The following NLGN1 variants were observed in gnomAD, a reference collection of about 807,000 sequenced individuals.
NLGN1 encodes neuroligin 1, also known as neuroligin-1.
In NLGN1, 12 loss-of-function variants were observed where a neutral mutation model predicts 65.5. That is an observed-to-expected ratio of 0.18 (90% CI 0.12 to 0.30). NLGN1 has a LOEUF of 0.30. NLGN1 is among the 10% of genes least tolerant of loss of function. The pLI, the probability that NLGN1 is intolerant of heterozygous loss-of-function variation, is 1.00. For missense variants in NLGN1, 750 were observed against 1,007.1 expected, an observed-to-expected ratio of 0.74 and a Z score of 3.46; for synonymous variants, 350 against 359.5, an observed-to-expected ratio of 0.97 and a Z score of 0.30.
At chr3:174,242,054 A>G (rs1481862298) in intron 4 of NLGN1, among the ~76,000 whole-genome samples, 1 of 152,182 alleles carries the variant, frequency 6.6e-6, no homozygotes, top group East Asian at 1.9e-4. Flanking sequence ...GCAACCGAGC[A>G]TAACGGTTTT....
upstream of NLGN1, among the ~76,000 whole-genome samples, chr3:173,397,329 C>T (rs1314966284): frequency 2.0e-5 from 3 of 152,138 alleles, no homozygotes; most frequent in African/African-American, 7.2e-5. Context: ...TTAAATCCAC[C>T]TTTTACACCA....
intron 2 of NLGN1, among the ~76,000 whole-genome samples, chr3:173,450,557 G>A (rs1407853442): frequency 6.6e-6 from 1 of 152,092 alleles, no homozygotes; most frequent in Non-Finnish European, 1.5e-5. Context: ...TGCTCTTCTT[G>A]AGGAGTATCT....
intron 2 of NLGN1, among the ~76,000 whole-genome samples, chr3:173,565,132 T>C (rs980942586): frequency 6.6e-6 from 1 of 152,164 alleles, no homozygotes; most frequent in Admixed American, 6.5e-5. Flanking sequence ...ATGTGCAGTA[T>C]AAGGTTGGGA....
intron 4 of NLGN1, among the ~76,000 whole-genome samples, chr3:174,263,726 A>C (rs1209855823): frequency 6.6e-6 from 1 of 151,766 alleles, no homozygotes; most frequent in Admixed American, 6.6e-5. Flanking sequence ...TCCTGTCATT[A>C]TGATGTTAGC....
intron 4 of NLGN1, among the ~76,000 whole-genome samples, chr3:174,201,657 G>A (rs1734537835): frequency 7.4e-6 from 1 of 135,486 alleles, no homozygotes; most frequent in Non-Finnish European, 1.6e-5. Context: ...CAAGTTCATT[G>A]AGCTTAAATA....
intron 4 of NLGN1, among the ~76,000 whole-genome samples, chr3:173,928,607 T>G (rs993007973): frequency 1.3e-5 from 2 of 152,054 alleles, no homozygotes; most frequent in Non-Finnish European, 2.9e-5. Flanking sequence ...TGGTATGAGG[T>G]CTCTCTGTCT....
exon 7 of NLGN1, chr3:174,281,922 A>G (rs913087047): frequency 1.3e-5 from 2 of 152,492 alleles, no homozygotes; most frequent in South Asian, 2.1e-4. Flanking sequence ...CACGATGTGC[A>G]TGATAATTTA....
chr3:174,075,954 A>G (rs1740818807), intron 4 of NLGN1, among the ~76,000 whole-genome samples: 1 of 152,166 alleles, frequency 6.6e-6, no homozygotes, highest in African/African-American at 2.4e-5. Flanking sequence ...TGTGGGTGTA[A>G]CAACATCTGA....
intron 4 of NLGN1, among the ~76,000 whole-genome samples, chr3:174,090,536 C>T (rs541059039): frequency 2.0e-5 from 3 of 152,046 alleles, no homozygotes; most frequent in East Asian, 1.9e-4. Context: ...AAGTCCCACC[C>T]GCAAAGATAT....
chr3:173,751,503 A>C (rs1030316219), intron 3 of NLGN1, among the ~76,000 whole-genome samples: 5 of 152,064 alleles, frequency 3.3e-5, no homozygotes, highest in African/African-American at 1.2e-4. Context: ...CCTAAATATA[A>C]GTGTGGTGGA....
At chr3:174,149,062 A>T (rs139936510) in intron 4 of NLGN1, among the ~76,000 whole-genome samples, 1 of 152,330 alleles carries the variant, frequency 6.6e-6, no homozygotes, top group East Asian at 1.9e-4. Context: ...TTTGCAAAAC[A>T]TGGTGAACAA....
chr3:173,761,662 C>T (rs1274223567), intron 3 of NLGN1, among the ~76,000 whole-genome samples: 1 of 152,040 alleles, frequency 6.6e-6, no homozygotes, highest in African/African-American at 2.4e-5. Flanking sequence ...TCTTTAATAA[C>T]CTGCATTTCC....
intron 3 of NLGN1, among the ~76,000 whole-genome samples, chr3:173,721,146 A>G (rs543830737): frequency 3.9e-4 from 60 of 152,382 alleles, no homozygotes; most frequent in African/African-American, 1.4e-3. Context: ...GCAAGCCTCA[A>G]CAATGAAGCC....
At position 174,133,983 on chromosome 3, in the gene NLGN1, A is replaced by G. The variant is rs964756849; in HGVS notation, c.647-141332A>G. 2.0e-5 allele frequency among the ~76,000 whole-genome samples: 3 copies of G among 151,834 alleles called. No homozygotes were observed. In the East Asian group the frequency reaches 5.8e-4, roughly 29 times the overall value. Reference sequence around the variant, plus strand: ...AAGCAGACCTGAATAAGTTATTCTAATACCTGGACAAAGCTTTAAAGCCAC... The same window carrying G: ...AAGCAGACCTGAATAAGTTATTCTAGTACCTGGACAAAGCTTTAAAGCCAC... On this transcript the variant is annotated intron_variant, in intron 4 of 6. Coordinates refer to ENST00000457714, the Ensembl canonical transcript of NLGN1.
chr3:173,535,039 G>A (rs367552785), intron 2 of NLGN1, among the ~76,000 whole-genome samples: 23 of 152,230 alleles, frequency 1.5e-4, no homozygotes, highest in African/African-American at 5.3e-4. Flanking sequence ...CAATCACAGG[G>A]CATGCTGAGA....
intron 1 of NLGN1, among the ~76,000 whole-genome samples, chr3:173,415,927 A>AGC (rs1445007314): frequency 6.8e-6 from 1 of 147,022 alleles, no homozygotes; most frequent in African/African-American, 2.6e-5. Context: ...AGGGAGAGAG[A>AGC]GAGAGAGAGA....
chr3:173,713,848 A>C (rs1769394446), intron 3 of NLGN1, among the ~76,000 whole-genome samples: 1 of 152,082 alleles, frequency 6.6e-6, no homozygotes, highest in South Asian at 2.1e-4. Context: ...CAAATCACAT[A>C]TGTACCCTAT....
At chr3:173,406,687 C>T (rs1332864498) in intron 1 of NLGN1, among the ~76,000 whole-genome samples, 1 of 151,640 alleles carries the variant, frequency 6.6e-6, no homozygotes, top group African/African-American at 2.4e-5. Context: ...CGTGCATTTC[C>T]ACAGACAACA....
At chr3:173,527,773 C>G (rs1418575655) in intron 2 of NLGN1, among the ~76,000 whole-genome samples, 1 of 152,102 alleles carries the variant, frequency 6.6e-6, no homozygotes, top group African/African-American at 2.4e-5. Context: ...GTTATTAACC[C>G]TCTGTTACAT....
Sources: allele counts gnomAD v4.1 joint callset (sites outside exome capture counted in the v4.1 genomes callset), GRCh38; gene constraint gnomAD v4.1.1; transcripts MANE v1.5; gene names NCBI Gene and HGNC (gene_info 2026-07-23, HGNC 2026-07-21).